TENM2: variants seen among roughly 807,000 people sequenced by gnomAD.
TENM2 encodes the protein teneurin transmembrane protein 2, also known as teneurin-2.
TENM2 carries 52 observed loss-of-function variants against 245.2 expected under a neutral mutation model. The ratio of observed to expected loss-of-function variants is 0.21; its 90% CI spans 0.17 to 0.27. The LOEUF is 0.27. Among genes scored for constraint, TENM2 ranks in the 10% least tolerant of loss-of-function variants. The probability of loss-of-function intolerance (pLI) is 1.00; values close to 1 mark genes in which losing one functional copy is unlikely to be tolerated. For missense variants in TENM2, 3,046 were observed against 3,666.8 expected (o/e 0.83, Z 4.37); for synonymous variants, 1,363 against 1,438.9 (o/e 0.95, Z 1.19).
chr5:167,046,298 GA>G, the TENM2 span, among the ~76,000 whole-genome samples: 3 of 149,254 alleles, frequency 2.0e-5, no homozygotes, highest in African/African-American at 7.4e-5. Context: ...TTCCATGTTG[GA>G]AAAAAAAAGC....
intron 2 of TENM2, among the ~76,000 whole-genome samples, chr5:167,420,792 C>A (rs1763461437): frequency 6.6e-6 from 1 of 152,142 alleles, no homozygotes; most frequent in African/African-American, 2.4e-5. Context: ...CTTATTATCA[C>A]CCTGTCCCTA....
intron 14 of TENM2, among the ~76,000 whole-genome samples, chr5:168,192,955 C>G (rs567325483): frequency 1.3e-5 from 2 of 152,256 alleles, no homozygotes; most frequent in South Asian, 4.2e-4. Context: ...CTCCACCTGG[C>G]CCTTCTGGTT....
At chr5:167,409,500 T>C (rs866879258) in intron 2 of TENM2, among the ~76,000 whole-genome samples, 11 of 151,992 alleles carry the variant, frequency 7.2e-5, no homozygotes, top group Non-Finnish European at 1.3e-4. Flanking sequence ...GCCTAAAAAT[T>C]GGCTTACACA....
At chr5:167,670,968 C>A (rs1755904210) in intron 2 of TENM2, among the ~76,000 whole-genome samples, 1 of 152,078 alleles carries the variant, frequency 6.6e-6, no homozygotes, top group African/African-American at 2.4e-5. Flanking sequence ...TATGAAGTCC[C>A]CTGTCACCAA....
At chr5:167,049,376 A>AT in the TENM2 span, among the ~76,000 whole-genome samples, 3 of 152,232 alleles carry the variant, frequency 2.0e-5, no homozygotes, top group Admixed American at 1.3e-4. Context: ...CCTAAAATTT[A>AT]TTTTTTTAAA....
chr5:167,051,267 A>G, the TENM2 span, among the ~76,000 whole-genome samples: 1 of 151,738 alleles, frequency 6.6e-6, no homozygotes, highest in African/African-American at 2.4e-5. Context: ...TTCAAATGTC[A>G]TCTTTGCCTG....
intron 5 of TENM2, among the ~76,000 whole-genome samples, chr5:168,029,291 A>G (rs1786900387): frequency 6.6e-6 from 1 of 152,192 alleles, no homozygotes; most frequent in Non-Finnish European, 1.5e-5. Flanking sequence ...CATTCAAGCC[A>G]TAGCAAAAAC....
chr5:168,014,133 G>C (rs933194851), intron 5 of TENM2, among the ~76,000 whole-genome samples: 1 of 152,112 alleles, frequency 6.6e-6, no homozygotes, highest in African/African-American at 2.4e-5. Flanking sequence ...CATTTGTGAA[G>C]GAGGGGGGCA....
chr5:167,748,014 A>G (rs1761707587), intron 2 of TENM2, among the ~76,000 whole-genome samples: 1 of 152,186 alleles, frequency 6.6e-6, no homozygotes. Context: ...TCTCTAGGAT[A>G]AAAGTCTAGT....
chr5:167,485,784 T>A (rs1439461820), intron 2 of TENM2, among the ~76,000 whole-genome samples: 1 of 152,118 alleles, frequency 6.6e-6, no homozygotes, highest in African/African-American at 2.4e-5. Context: ...ACATTTTGTA[T>A]CTCGGTACCT....
intron 3 of TENM2, among the ~76,000 whole-genome samples, chr5:167,899,843 A>G (rs1231363835): frequency 6.6e-6 from 1 of 152,186 alleles, no homozygotes. Flanking sequence ...GGAGCGAAAG[A>G]ACGGCATCCG....
intron 19 of TENM2, among the ~76,000 whole-genome samples, chr5:168,209,834 T>C (rs1272644895): frequency 2.0e-5 from 3 of 152,080 alleles, no homozygotes; most frequent in African/African-American, 7.2e-5. Flanking sequence ...GATGACTGAG[T>C]CATGTCCTAT....
At chr5:167,028,532 G>C in the TENM2 span, among the ~76,000 whole-genome samples, 3 of 151,574 alleles carry the variant, frequency 2.0e-5, no homozygotes, top group Admixed American at 2.0e-4. Context: ...TATATATTTG[G>C]TTAATATTTC....
chr5:168,028,488 C>T (rs1251273517), intron 5 of TENM2, among the ~76,000 whole-genome samples: 1 of 152,122 alleles, frequency 6.6e-6, no homozygotes, highest in Non-Finnish European at 1.5e-5. Context: ...CTTCTTCAAG[C>T]TTTAAACAAG....
rs758980369 is a variant in TENM2, at chr5:168,090,568, T to A, written c.1516-6T>A. 8 of 1,611,324 alleles carry A rather than the reference T, an allele frequency of 5.0e-6. No homozygotes were observed. The African/African-American group carries it at 8.0e-5, about 16-fold the overall frequency. ...TCATGCATGGTACTCTCTCTCCTTT[T>A]CCCAGTATGACTTCATGGAACGTCT... is the stretch of plus-strand genomic sequence containing the variant. On this transcript the variant is annotated splice_polypyrimidine_tract_variant and splice_region_variant and intron_variant, in intron 7 of 28. Coordinates refer to ENST00000518659, the Ensembl canonical transcript of TENM2.
At chr5:167,708,396 C>T (rs1340365758) in intron 2 of TENM2, among the ~76,000 whole-genome samples, 1 of 152,148 alleles carries the variant, frequency 6.6e-6, no homozygotes, top group Non-Finnish European at 1.5e-5. Context: ...ATACTGTCTA[C>T]TTGCCCACCA....
chr5:167,403,318 T>TAA lies in TENM2; in HGVS notation c.502+27854_502+27855dup, dbSNP rs11456572. 8.0e-4 allele frequency among the ~76,000 whole-genome samples: 120 copies of TAA among 149,860 alleles called. 1 individual carries two copies. Among genetic ancestry groups the TAA allele is most frequent in the South Asian group, 3.4e-3 (16 of 4,772 alleles). On this transcript the variant is annotated intron_variant, in intron 2 of 28. Coordinates refer to ENST00000518659, the Ensembl canonical transcript of TENM2. Reference sequence around the variant, plus strand: ...GTCTGCCACCCTTGATTTTTGGTAGTAAAAAAAAAACAGTTTGAAGTAGCC... The same window carrying TAA: ...GTCTGCCACCCTTGATTTTTGGTAGTAAAAAAAAAAAACAGTTTGAAGTAGCC...
the TENM2 span, among the ~76,000 whole-genome samples, chr5:167,207,555 A>T: frequency 1.3e-5 from 2 of 152,194 alleles, no homozygotes; most frequent in Non-Finnish European, 2.9e-5. Context: ...ATCACTTTGC[A>T]GCCAGACACG....
At position 167,362,709 on chromosome 5, in the gene TENM2, A is replaced by C. The variant is rs141481349; in HGVS notation, c.227-12489A>C. On this transcript the variant is annotated intron_variant, in intron 1 of 28. Coordinates refer to ENST00000518659, the Ensembl canonical transcript of TENM2. ...CTTTTTGTATTTTTATGGAAAAGTA[A>C]GATATTGCATTACTTAATGGAATAA... Among the ~76,000 whole-genome samples the C allele has an allele frequency of 3.7e-3, 570 of 152,346 alleles. 8 individuals carry two copies. The highest frequency in any genetic ancestry group is 0.013 in the African/African-American group (520 of 41,578).
Sources: allele counts gnomAD v4.1 joint callset (sites outside exome capture counted in the v4.1 genomes callset), GRCh38; gene constraint gnomAD v4.1.1; transcripts MANE v1.5; gene names NCBI Gene and HGNC (gene_info 2026-07-23, HGNC 2026-07-21).